The following CNTNAP2 variants were observed in gnomAD, a reference collection of about 807,000 sequenced individuals.
CNTNAP2 encodes the protein contactin associated protein 2, also known as contactin-associated protein-like 2.
CNTNAP2 carries 98 observed loss-of-function variants against 155.2 expected under a neutral mutation model. The ratio of observed to expected loss-of-function variants is 0.63; its 90% confidence interval spans 0.54 to 0.75. The LOEUF is 0.75. Ranked by LOEUF, CNTNAP2 falls within the 30% of genes least tolerant of loss-of-function variation. The pLI is 0.00. For synonymous variants in CNTNAP2, 651 were observed against 631.2 expected, an observed-to-expected ratio of 1.03 and a Z score of -0.47; for missense variants, 1,727 against 1,688.1, an observed-to-expected ratio of 1.02 and a Z score of -0.40.
intron 17 of CNTNAP2, among the ~76,000 whole-genome samples, chr7:148,171,048 A>G (rs1205046556): frequency 1.3e-5 from 2 of 152,164 alleles, no homozygotes; most frequent in African/African-American, 4.8e-5. Flanking sequence ...CCTTAGGAAT[A>G]AGACAGATCT....
chr7:146,914,203 G>A (rs1413234699), intron 3 of CNTNAP2, among the ~76,000 whole-genome samples: 1 of 151,850 alleles, frequency 6.6e-6, no homozygotes, highest in Admixed American at 6.6e-5. Flanking sequence ...CTCTTTGACT[G>A]GTGGGCATTT....
intron 1 of CNTNAP2, among the ~76,000 whole-genome samples, chr7:146,568,075 A>G (rs953133602): frequency 6.6e-6 from 1 of 152,200 alleles, no homozygotes; most frequent in Admixed American, 6.5e-5. Context: ...GGCACATAGT[A>G]TGATCAGCCA....
chr7:148,355,166 CTTTTTTTTTTTTTTTTT>C (rs1167992306), intron 21 of CNTNAP2, among the ~76,000 whole-genome samples: 5 of 41,022 alleles, frequency 1.2e-4, no homozygotes, highest in Non-Finnish European at 1.7e-4. Context: ...CCGCCAGCTG[CTTTTTTTTTTTTTTTTT>C]TTTTTTTTTT....
intron 10 of CNTNAP2, among the ~76,000 whole-genome samples, chr7:147,482,947 G>A (rs1408084268): frequency 6.6e-6 from 1 of 151,162 alleles, no homozygotes; most frequent in Non-Finnish European, 1.5e-5. Context: ...TTGGGTGGCT[G>A]AGGCAGGGGA....
At chr7:146,893,706 T>C (rs935939647) in intron 3 of CNTNAP2, among the ~76,000 whole-genome samples, 1 of 152,166 alleles carries the variant, frequency 6.6e-6, no homozygotes, top group African/African-American at 2.4e-5. Flanking sequence ...CCATACTGCC[T>C]GTCTCTTTAG....
intron 15 of CNTNAP2, among the ~76,000 whole-genome samples, chr7:148,031,150 A>C (rs117290558): frequency 0.034 from 5,222 of 152,164 alleles, 143 homozygotes; most frequent in South Asian, 0.12. Flanking sequence ...TAGGCTCCTT[A>C]CCCTTCCACA....
intron 15 of CNTNAP2, among the ~76,000 whole-genome samples, chr7:148,022,222 A>G (rs1013883019): frequency 2.5e-4 from 38 of 152,032 alleles, no homozygotes; most frequent in African/African-American, 9.2e-4. Context: ...TAATCCTAGC[A>G]CTATGGGAGG....
At chr7:146,371,517 C>T (rs537944897) in intron 1 of CNTNAP2, among the ~76,000 whole-genome samples, 39 of 151,696 alleles carry the variant, frequency 2.6e-4, no homozygotes, top group South Asian at 4.2e-4. Flanking sequence ...TACAGGTACC[C>T]GCCACCGCGC....
chr7:148,114,595 T>C (rs1804425084), intron 15 of CNTNAP2, among the ~76,000 whole-genome samples: 1 of 152,166 alleles, frequency 6.6e-6, no homozygotes, highest in African/African-American at 2.4e-5. Context: ...TATAATCTTG[T>C]TATAATAAAA....
In CNTNAP2 at chr7:146,307,072, T is replaced by C. The variant is rs556454950; in HGVS notation, c.97+190099T>C. Reference sequence around the variant, plus strand: ...GTTTGCAGATGACATGATTGTATATTTAGAAAACCCCATCGTCTCAGCCCA... The same window carrying C: ...GTTTGCAGATGACATGATTGTATATCTAGAAAACCCCATCGTCTCAGCCCA... On this transcript the variant is annotated intron_variant, in intron 1 of 23. Transcript: ENST00000361727. 2.0e-3 allele frequency among the ~76,000 whole-genome samples: 311 copies of C among 152,194 alleles called. 3 individuals carry two copies. Among genetic ancestry groups the C allele is most frequent in the African/African-American group, 7.0e-3 (291 of 41,518 alleles).
intron 17 of CNTNAP2, among the ~76,000 whole-genome samples, chr7:148,159,582 C>G (rs1310132177): frequency 6.6e-6 from 1 of 152,144 alleles, no homozygotes; most frequent in African/African-American, 2.4e-5. Flanking sequence ...TGCAACTCTG[C>G]CACCACGAAT....
intron 1 of CNTNAP2, among the ~76,000 whole-genome samples, chr7:146,355,089 T>C (rs770819107): frequency 6.6e-6 from 1 of 152,090 alleles, no homozygotes; most frequent in Non-Finnish European, 1.5e-5. Flanking sequence ...TAAAAATGGG[T>C]TTGTAGTTTT....
At chr7:147,562,621 G>A (rs1336130616) in intron 12 of CNTNAP2, among the ~76,000 whole-genome samples, 2 of 152,186 alleles carry the variant, frequency 1.3e-5, no homozygotes, top group African/African-American at 4.8e-5. Context: ...GCATGCTAGA[G>A]GAAGCTTTTA....
At chr7:148,330,546 T>C (rs1797973530) in intron 21 of CNTNAP2, among the ~76,000 whole-genome samples, 1 of 123,516 alleles carries the variant, frequency 8.1e-6, no homozygotes, top group African/African-American at 3.2e-5. Context: ...ATAGATGGAG[T>C]GCACGGATGG....
intron 15 of CNTNAP2, among the ~76,000 whole-genome samples, chr7:147,996,416 C>T (rs1801805925): frequency 6.6e-6 from 1 of 152,148 alleles, no homozygotes; most frequent in Admixed American, 6.5e-5. Context: ...ATTTTTCTGA[C>T]AGGGAAAGTG....
chr7:148,219,584 C>A (rs763723996), intron 19 of CNTNAP2, among the ~76,000 whole-genome samples: 1 of 152,222 alleles, frequency 6.6e-6, no homozygotes, highest in African/African-American at 2.4e-5. Context: ...GTGGTCTCAG[C>A]TGCTCAAAAG....
chr7:147,656,116 C>G (rs771241850), intron 13 of CNTNAP2, among the ~76,000 whole-genome samples: 5 of 152,206 alleles, frequency 3.3e-5, no homozygotes, highest in Non-Finnish European at 7.3e-5. Flanking sequence ...CCTTTCTGAG[C>G]CTTCATATAA....
At chr7:148,306,105 C>T (rs896051803) in intron 21 of CNTNAP2, among the ~76,000 whole-genome samples, 4 of 152,168 alleles carry the variant, frequency 2.6e-5, no homozygotes, top group African/African-American at 9.7e-5. Flanking sequence ...ATACAGAATT[C>T]TCATTTAGAA....
intron 13 of CNTNAP2, among the ~76,000 whole-genome samples, chr7:147,641,668 G>A (rs1044334812): frequency 2.0e-4 from 30 of 151,976 alleles, no homozygotes; most frequent in Non-Finnish European, 3.4e-4. Context: ...CATAATGGTG[G>A]GGTCCTAGTC....
Sources: allele counts gnomAD v4.1 joint callset (sites outside exome capture counted in the v4.1 genomes callset), GRCh38; gene constraint gnomAD v4.1.1; transcripts MANE v1.5; gene names NCBI Gene and HGNC (gene_info 2026-07-23, HGNC 2026-07-21).